Variants in CASZ1 observed in about 807,000 individuals in gnomAD.
CASZ1 encodes zinc finger protein castor homolog 1.
A neutral mutation model predicts 135.2 loss-of-function variants in CASZ1; 28 were observed. The ratio of observed to expected loss-of-function variants is 0.21; its 90% CI spans 0.15 to 0.28. The LOEUF (loss-of-function observed/expected upper bound fraction) is 0.28, where lower values mean the gene tolerates loss of function less well. CASZ1 is among the 10% of genes least tolerant of loss of function. CASZ1 has a pLI of 1.00. For missense variants in CASZ1, 2,161 were observed against 2,453.3 expected, an observed-to-expected ratio of 0.88 and a Z score of 2.52; for synonymous variants, 1,068 against 1,073.4, an observed-to-expected ratio of 0.99 and a Z score of 0.10.
In CASZ1 at chr1:10,774,835, C is replaced by T. The variant is rs1020186226; in HGVS notation, c.-233-13978G>A. On this transcript the variant is annotated intron_variant, in intron 1 of 20. Transcript: ENST00000377022. The surrounding 1 kb of genome is among the most constrained non-coding windows in gnomAD (Gnocchi z 4.4). ...ACAGTCCTGACACTCAGAGCTCCCGCGGTCTTACAGACAAGGGAATGAATC... is the reference window on the plus strand; with the variant it reads ...ACAGTCCTGACACTCAGAGCTCCCGTGGTCTTACAGACAAGGGAATGAATC... Among the ~76,000 whole-genome samples the T allele has an allele frequency of 2.0e-5, 3 of 152,138 alleles. No individual in the cohort carries two copies. The highest frequency in any genetic ancestry group is 2.1e-4 in the South Asian group (1 of 4,820).
At position 10,645,086 on chromosome 1, in the gene CASZ1, G is replaced by A; in HGVS notation, c.3699C>T (p.His1233=). The part of the protein sequence containing the change: ...YSLQCLCPNQ[H]CEFRMRGHYH... ...AGTGCCCACGCATTCGGAACTCGCA[G>A]TGCTGCAGGGAGACACGGGAGGGTC... Residue 1233 remains histidine, a splice_region_variant and synonymous_variant, in exon 18 of 21, where the codon CAC becomes CAT. Coordinates refer to ENST00000377022, the MANE Select transcript of CASZ1 (RefSeq NM_001079843.3). The A allele has an allele frequency of 6.2e-7, 1 of 1,613,542 alleles. No individual in the cohort carries two copies. Among genetic ancestry groups the A allele is most frequent in the Non-Finnish European group, 8.5e-7 (1 of 1,179,810 alleles).
At chr1:10,734,522 C>T (rs549130289) in intron 2 of CASZ1, among the ~76,000 whole-genome samples, 1 of 152,170 alleles carries the variant, frequency 6.6e-6, no homozygotes, top group East Asian at 1.9e-4. Context: ...TGGATTAGCT[C>T]GGAAAGCCTG....
rs1639455080 is a variant in CASZ1 at position 10,719,401 on chromosome 1, T to C, written c.-76-13857A>G. ...AAAGCTGCAACCTGCCCACGAACTG[T>C]GGAGAATGGTAGCCCAAGACAAGGG... On this transcript the variant is annotated intron_variant, in intron 2 of 20. Coordinates refer to ENST00000377022, the MANE Select transcript of CASZ1 (RefSeq NM_001079843.3). This position sits in a 1 kb window ranked among gnomAD's most constrained non-coding sequence, Gnocchi z 4.0. Among the ~76,000 whole-genome samples the C allele has an allele frequency of 6.6e-6, 1 of 152,162 alleles. No homozygotes were observed. Among genetic ancestry groups the C allele is most frequent in the African/African-American group, 2.4e-5 (1 of 41,424 alleles).
intron 2 of CASZ1, among the ~76,000 whole-genome samples, chr1:10,746,765 C>T (rs995037502): frequency 1.3e-5 from 2 of 152,364 alleles, no homozygotes; most frequent in East Asian, 3.9e-4. Flanking sequence ...TTTTCTACCA[C>T]CCCTGGAGGT....
rs1172977558 is a variant in CASZ1, at chr1:10,709,386, G to C, written c.-76-3842C>G. On this transcript the variant is annotated intron_variant, in intron 2 of 20. Coordinates refer to ENST00000377022, the MANE Select transcript of CASZ1 (RefSeq NM_001079843.3). The surrounding 1 kb of genome is among the most constrained non-coding windows in gnomAD (Gnocchi z 5.1). ...GGGCCATGTCAGCCCGGCAGTGTGA[G>C]GAGGGGGGCGGCATAGACAACAGGG... is the stretch of plus-strand genomic sequence containing the variant. Among the ~76,000 whole-genome samples, 1 of 152,172 alleles carries C rather than the reference G, an allele frequency of 6.6e-6. No homozygotes were observed.
In CASZ1 at chr1:10,794,052, C is replaced by T. The variant is rs889941807; in HGVS notation, c.-234+2512G>A. Among the ~76,000 whole-genome samples the T allele has an allele frequency of 1.3e-5, 2 of 152,284 alleles. No individual in the cohort carries two copies. Among genetic ancestry groups the T allele is most frequent in the African/African-American group, 2.4e-5 (1 of 41,578 alleles). On this transcript the variant is annotated intron_variant, in intron 1 of 20. Coordinates refer to ENST00000377022, the MANE Select transcript of CASZ1 (RefSeq NM_001079843.3). This position sits in a 1 kb window ranked among gnomAD's most constrained non-coding sequence, Gnocchi z 5.6. Reference sequence around the variant, plus strand: ...CACGTGGAGCGCAGCCCCGGCTCAGCCCCCGGGGAACAACTACCCCCCTCC... The same window carrying T: ...CACGTGGAGCGCAGCCCCGGCTCAGTCCCCGGGGAACAACTACCCCCCTCC...
chr1:10,795,461 C>T (rs1641046607), intron 1 of CASZ1, among the ~76,000 whole-genome samples: 1 of 152,148 alleles, frequency 6.6e-6, no homozygotes, highest in African/African-American at 2.4e-5. Context: ...GGGAACAGAC[C>T]CCGACCGACC....
chr1:10,709,984 G>A lies in CASZ1; in HGVS notation c.-76-4440C>T, dbSNP rs1639256171. On this transcript the variant is annotated intron_variant, in intron 2 of 20. Coordinates refer to ENST00000377022, the MANE Select transcript of CASZ1 (RefSeq NM_001079843.3). The surrounding 1 kb of genome is among the most constrained non-coding windows in gnomAD (Gnocchi z 5.1). ...GGAGTCGGAGCAGGCCTCCGGATTG[G>A]CTCTGGGCTCTTTCCAGGCACAGTC... is the stretch of plus-strand genomic sequence containing the variant. 6.6e-6 allele frequency among the ~76,000 whole-genome samples: 1 copy of A among 152,236 alleles called. No individual in the cohort carries two copies. Among genetic ancestry groups the A allele is most frequent in the Non-Finnish European group, 1.5e-5 (1 of 68,042 alleles).
chr1:10,779,979 G>A (rs1281286736), intron 1 of CASZ1, among the ~76,000 whole-genome samples: 1 of 152,150 alleles, frequency 6.6e-6, no homozygotes, highest in African/African-American at 2.4e-5. Flanking sequence ...AAGAGGGGCA[G>A]AGGCTCCACC....
intron 2 of CASZ1, among the ~76,000 whole-genome samples, chr1:10,736,663 G>C (rs1047462805): frequency 1.3e-5 from 2 of 152,190 alleles, no homozygotes; most frequent in Admixed American, 1.3e-4. Flanking sequence ...CATCACCTAC[G>C]AGGCCCCTCT....
rs1640069724 is a variant in CASZ1, at chr1:10,747,698, C to G, written c.-77+13003G>C. ...GACCACACTGAAGACCCCCACTCTG[C>G]TCTCTTGTGGGTCACTGCAGCTGCC... On this transcript the variant is annotated intron_variant, in intron 2 of 20. Transcript: ENST00000377022. The surrounding 1 kb of genome is among the most constrained non-coding windows in gnomAD (Gnocchi z 4.3). Among the ~76,000 whole-genome samples, 1 of 152,198 alleles carries G rather than the reference C, an allele frequency of 6.6e-6. No individual in the cohort carries two copies. The highest frequency in any genetic ancestry group is 2.4e-5 in the African/African-American group (1 of 41,440).
intron 2 of CASZ1, among the ~76,000 whole-genome samples, chr1:10,740,960 C>CAAAAAAAAAAAAAAAAAAA (rs374464130): frequency 8.1e-5 from 5 of 61,448 alleles, no homozygotes; most frequent in East Asian, 5.2e-4. Flanking sequence ...CCTGTCTGGA[C>CAAAAAAAAAAAAAAAAAAA]AAAAAAAAAA....
chr1:10,791,294 C>A (rs940860204), intron 1 of CASZ1, among the ~76,000 whole-genome samples: 1 of 152,086 alleles, frequency 6.6e-6, no homozygotes, highest in African/African-American at 2.4e-5. Flanking sequence ...TCGGAGAAAG[C>A]GGAAGCTGAA....
At chr1:10,731,046 C>G (rs1020907279) in intron 2 of CASZ1, among the ~76,000 whole-genome samples, 1 of 151,756 alleles carries the variant, frequency 6.6e-6, no homozygotes, top group Non-Finnish European at 1.5e-5. Context: ...GCAGAAGTTG[C>G]AGTGAGCCAA....
chr1:10,766,547 G>T (rs989705012), intron 1 of CASZ1, among the ~76,000 whole-genome samples: 5 of 152,208 alleles, frequency 3.3e-5, no homozygotes, highest in African/African-American at 1.2e-4. Flanking sequence ...GGTGCTTCTG[G>T]CCGGGCTGAA....
intron 20 of CASZ1, among the ~76,000 whole-genome samples, chr1:10,641,135 G>GC (rs1300711988): frequency 6.6e-6 from 1 of 152,256 alleles, no homozygotes; most frequent in African/African-American, 2.4e-5. Flanking sequence ...TTCAGGCCAG[G>GC]CCCCATAGGC....
chr1:10,782,300 C>T (rs1445208151), intron 1 of CASZ1, among the ~76,000 whole-genome samples: 1 of 152,216 alleles, frequency 6.6e-6, no homozygotes, highest in East Asian at 1.9e-4. Context: ...CTACTGACTA[C>T]GGTACTGGTG....
At chr1:10,640,307 G>C (rs1379411041) in intron 20 of CASZ1, among the ~76,000 whole-genome samples, 1 of 152,248 alleles carries the variant, frequency 6.6e-6, no homozygotes. Flanking sequence ...CCCCCGGGGG[G>C]TGGCAGCCCA....
chr1:10,791,625 C>T (rs1461696831), intron 1 of CASZ1, among the ~76,000 whole-genome samples: 6 of 152,136 alleles, frequency 3.9e-5, no homozygotes, highest in Admixed American at 1.3e-4. Flanking sequence ...AAAGCTGACA[C>T]TTCAGCCTTG....
Sources: allele counts gnomAD v4.1 joint callset (sites outside exome capture counted in the v4.1 genomes callset), GRCh38; gene constraint gnomAD v4.1.1; non-coding constraint Gnocchi (gnomAD v3.1); transcripts MANE v1.5; gene names NCBI Gene and HGNC (gene_info 2026-07-23, HGNC 2026-07-21).